DGKI: variants seen among roughly 807,000 people sequenced by gnomAD.
DGKI encodes the protein DAG kinase iota.
In DGKI, 55 loss-of-function variants were observed where a neutral mutation model predicts 147.5. The observed-to-expected ratio is 0.37, with a 90% CI of 0.30 to 0.47. The LOEUF is 0.47. Ranked by LOEUF, DGKI falls within the 20% of genes least tolerant of loss-of-function variation. DGKI has a pLI of 1.00. For missense variants in DGKI, 1,007 were observed against 1,323.8 expected (o/e 0.76, Z 3.71); for synonymous variants, 469 against 477.1 (o/e 0.98, Z 0.22).
chr7:137,623,525 A>C lies in DGKI; in HGVS notation c.834T>G (p.Ser278Arg), dbSNP rs112061731. Residue 278 changes from serine to arginine, a missense_variant, in exon 7 of 33, where the codon AGT (serine) becomes AGG (arginine). By Grantham distance (110) the Ser-to-Arg change is moderately radical. Around this residue, in one of 5 missense-constraint regions of DGKI, gnomAD observed 259 missense variants for 362.5 expected, o/e 0.71. Transcript: ENST00000614521. ...AACAGCTGATAGCCACAATCTCTTT[A>C]CTGTGGAAGGAGAACTTTTGCTGGA... ...KGFQQKFSFH[S>R]KEIVAISCSW... 1 of 1,614,072 alleles carries C rather than the reference A, an allele frequency of 6.2e-7. No individual in the cohort carries two copies.
At chr7:137,567,248 G>A (rs1158653196) in intron 19 of DGKI, among the ~76,000 whole-genome samples, 4 of 139,090 alleles carry the variant, frequency 2.9e-5, no homozygotes, top group Non-Finnish European at 6.0e-5. Context: ...TGGGCAACAA[G>A]AGCAAAACTC....
At chr7:137,402,765 G>A (rs1811807753) in intron 30 of DGKI, among the ~76,000 whole-genome samples, 1 of 152,156 alleles carries the variant, frequency 6.6e-6, no homozygotes, top group Admixed American at 6.6e-5. Context: ...ACAGATGTGG[G>A]GAGAGCTGGC....
At chr7:137,425,323 C>T (rs910310850) in intron 28 of DGKI, among the ~76,000 whole-genome samples, 8 of 152,336 alleles carry the variant, frequency 5.3e-5, no homozygotes, top group African/African-American at 1.9e-4. Context: ...CTCCAACAGA[C>T]CTGCAGCTAA....
At chr7:137,400,414 G>A (rs995104714) in intron 30 of DGKI, among the ~76,000 whole-genome samples, 20 of 152,158 alleles carry the variant, frequency 1.3e-4, no homozygotes, top group African/African-American at 4.8e-4. Context: ...TCTGTCATTC[G>A]GTGTTCTCAG....
intron 7 of DGKI, among the ~76,000 whole-genome samples, chr7:137,620,722 G>T (rs1820717721): frequency 6.6e-6 from 1 of 152,306 alleles, no homozygotes; most frequent in African/African-American, 2.4e-5. Context: ...CCCCAACAGT[G>T]ACACTCAGAC....
chr7:137,778,975 A>G (rs138507700), intron 1 of DGKI, among the ~76,000 whole-genome samples: 17 of 152,352 alleles, frequency 1.1e-4, no homozygotes, highest in Admixed American at 7.8e-4. Flanking sequence ...TAACTCCAGC[A>G]GGTCTTCTGA....
intron 1 of DGKI, chr7:137,843,473 G>A: frequency 1.0e-6 from 1 of 980,588 alleles, no homozygotes; most frequent in Non-Finnish European, 1.2e-6. Context: ...CTGAAATAAA[G>A]GAAAAAATTC....
At chr7:137,640,062 T>C (rs546700116) in intron 6 of DGKI, among the ~76,000 whole-genome samples, 7 of 151,846 alleles carry the variant, frequency 4.6e-5, no homozygotes, top group African/African-American at 1.7e-4. Flanking sequence ...TCTCAGGAAA[T>C]TTTGAAGTAT....
At chr7:137,609,923 A>AG (rs1820309927) in intron 8 of DGKI, among the ~76,000 whole-genome samples, 1 of 152,138 alleles carries the variant, frequency 6.6e-6, no homozygotes, top group Non-Finnish European at 1.5e-5. Context: ...AAATTCTCTG[A>AG]GGGGCTCCAG....
intron 21 of DGKI, among the ~76,000 whole-genome samples, chr7:137,493,175 A>G (rs1815833169): frequency 6.6e-6 from 1 of 152,044 alleles, no homozygotes; most frequent in South Asian, 2.1e-4. Context: ...CCAGTACTCA[A>G]ATGAAGATCA....
At chr7:137,609,649 C>A (rs1214181569) in intron 8 of DGKI, 40 bp from the exon 9 acceptor site, 1 of 1,501,536 alleles carries the variant, frequency 6.7e-7, no homozygotes, top group Non-Finnish European at 9.3e-7. Flanking sequence ...CAGAGGCAGC[C>A]AGCCCAGGAG....
chr7:137,665,141 G>A (rs1336492564), intron 3 of DGKI, among the ~76,000 whole-genome samples: 8 of 152,166 alleles, frequency 5.3e-5, no homozygotes, highest in East Asian at 1.9e-4. Flanking sequence ...GTTGCAGGTC[G>A]TGGTTAAGAC....
At chr7:137,578,228 A>G in intron 16 of DGKI, 42 bp downstream of exon 16, 2 of 1,410,644 alleles carry the variant, frequency 1.4e-6, no homozygotes, top group South Asian at 2.3e-5. Context: ...TGAATTGGCA[A>G]TAAGTAATAT....
intron 10 of DGKI, among the ~76,000 whole-genome samples, chr7:137,601,139 C>T (rs1043689406): frequency 4.6e-5 from 7 of 151,954 alleles, no homozygotes; most frequent in African/African-American, 1.7e-4. Flanking sequence ...GGCACGGTGG[C>T]GGGCACCTGT....
chr7:137,689,750 C>A, intron 2 of DGKI, 144 bp downstream of exon 2: 2 of 470,516 alleles, frequency 4.3e-6, no homozygotes, highest in South Asian at 4.6e-5. Context: ...GAAAATGGAG[C>A]TACAGCTAAG....
At chr7:137,690,261 C>A (rs1167714006) in intron 1 of DGKI, among the ~76,000 whole-genome samples, 1 of 152,132 alleles carries the variant, frequency 6.6e-6, no homozygotes. Context: ...AAAATATAAT[C>A]CTCTATTCAG....
chr7:137,653,523 C>G (rs948105577), intron 5 of DGKI, among the ~76,000 whole-genome samples: 1 of 152,212 alleles, frequency 6.6e-6, no homozygotes, highest in Non-Finnish European at 1.5e-5. Context: ...AGTACACCCT[C>G]TCTCACTTGG....
intron 31 of DGKI, among the ~76,000 whole-genome samples, chr7:137,396,491 G>A (rs891170866): frequency 6.6e-6 from 1 of 152,308 alleles, no homozygotes; most frequent in Non-Finnish European, 1.5e-5. Flanking sequence ...AAAATCAATA[G>A]CAGCCTTTAG....
intron 1 of DGKI, among the ~76,000 whole-genome samples, chr7:137,760,033 CTGAGGCAAT>C (rs1170946913): frequency 1.3e-5 from 2 of 152,190 alleles, no homozygotes; most frequent in Non-Finnish European, 2.9e-5. Context: ...CACAGATAGA[CTGAGGCAAT>C]TGAGGCAATC....
Sources: allele counts gnomAD v4.1 joint callset (sites outside exome capture counted in the v4.1 genomes callset), GRCh38; gene constraint gnomAD v4.1.1; regional missense constraint gnomAD v4.1.1; transcripts MANE v1.5; gene names NCBI Gene and HGNC (gene_info 2026-07-23, HGNC 2026-07-21).